The following RGS22 variants were observed in gnomAD, a reference collection of about 807,000 sequenced individuals.
RGS22 encodes the protein regulator of G protein signaling 22.
A neutral mutation model predicts 172.9 loss-of-function variants in RGS22; 148 were observed. The observed-to-expected ratio is 0.86, with a 90% confidence interval of 0.75 to 0.98. The LOEUF (loss-of-function observed/expected upper bound fraction) is 0.98. Ranked by LOEUF, RGS22 falls within the 50% of genes least tolerant of loss-of-function variation. RGS22 has a pLI of 0.00. For synonymous variants in RGS22, 458 were observed against 480.2 expected, an observed-to-expected ratio of 0.95 and a Z score of 0.60; for missense variants, 1,347 against 1,440.8, an observed-to-expected ratio of 0.93 and a Z score of 1.05.
At chr8:99,994,162 T>C (rs1814084187) in intron 20 of RGS22, among the ~76,000 whole-genome samples, 1 of 152,208 alleles carries the variant, frequency 6.6e-6, no homozygotes, top group Non-Finnish European at 1.5e-5. Flanking sequence ...AATATCATAC[T>C]GAATGGGCAA....
rs1422087707 is a variant in RGS22 at position 100,006,087 on chromosome 8, C to A, written c.2384G>T (p.Arg795Leu). Residue 795 changes from arginine (R) to leucine (L), a missense_variant, in exon 16 of 28, where the codon CGA becomes CTA. Physicochemically the swap from Arg to Leu is moderately radical, Grantham distance 102. Transcript: ENST00000360863. ...TCTGAAGTATGTGGAGTCTAACTGT[C>A]GAGTTTCTTCCACCAGCTCCACCTA... ...YKKVELVEETRQLDSTYFRKL... is the reference protein window; with the variant it reads ...YKKVELVEETLQLDSTYFRKL... 2 of 1,612,634 alleles carry A rather than the reference C, an allele frequency of 1.2e-6. No individual in the cohort carries two copies. Among genetic ancestry groups the A allele is most frequent in the Admixed American group, 3.3e-5 (2 of 59,942 alleles).
At chr8:100,083,994 C>T (rs939388238) in intron 3 of RGS22, among the ~76,000 whole-genome samples, 1 of 151,670 alleles carries the variant, frequency 6.6e-6, no homozygotes, top group African/African-American at 2.4e-5. Flanking sequence ...GGCGCCACGA[C>T]GCCCAACTAA....
At chr8:100,033,959 G>GT (rs1218338668) in intron 14 of RGS22, among the ~76,000 whole-genome samples, 1 of 152,068 alleles carries the variant, frequency 6.6e-6, no homozygotes, top group Admixed American at 6.6e-5. Context: ...TTGATGGAAT[G>GT]TATCTCAAAA....
intron 23 of RGS22, among the ~76,000 whole-genome samples, chr8:99,977,255 T>A (rs1812055852): frequency 6.7e-6 from 1 of 149,930 alleles, no homozygotes; most frequent in Non-Finnish European, 1.5e-5. Flanking sequence ...AGGCGCAAGC[T>A]GCCACGCCCG....
chr8:100,040,969 A>G (rs908963181), intron 12 of RGS22, among the ~76,000 whole-genome samples: 3 of 152,222 alleles, frequency 2.0e-5, no homozygotes, highest in Non-Finnish European at 2.9e-5. Flanking sequence ...AAAAAAAATC[A>G]TTATTTTAGT....
intron 18 of RGS22, 51 bp from the exon 19 acceptor site, chr8:99,999,471 A>G (rs1294242130): frequency 1.6e-5 from 26 of 1,576,096 alleles, no homozygotes; most frequent in Non-Finnish European, 2.3e-5. Flanking sequence ...TAAAAGAAAC[A>G]CTAATAGTCA....
chr8:100,105,452 TG>T, intron 1 of RGS22, 50 bp from the exon 2 acceptor site: 3 of 1,499,048 alleles, frequency 2.0e-6, no homozygotes, highest in African/African-American at 1.4e-5. Flanking sequence ...TGATTTCCTT[TG>T]AGTAAATGAA....
chr8:100,016,978 CTTTTTTTTTTT>C (rs71274949), intron 14 of RGS22, among the ~76,000 whole-genome samples: 57 of 36,118 alleles, frequency 1.6e-3, no homozygotes, highest in South Asian at 2.3e-3. Flanking sequence ...CCTTACCAGT[CTTTTTTTTTTT>C]TTTTTTTTTT....
At chr8:100,036,310 T>TCCA (rs1187611196) in intron 14 of RGS22, among the ~76,000 whole-genome samples, 51 of 152,286 alleles carry the variant, frequency 3.3e-4, no homozygotes, top group African/African-American at 1.2e-3. Flanking sequence ...CCATTTAAAT[T>TCCA]GGTTTCCAAC....
At chr8:100,091,270 T>C (rs946440397) in intron 3 of RGS22, among the ~76,000 whole-genome samples, 4 of 146,518 alleles carry the variant, frequency 2.7e-5, no homozygotes, top group African/African-American at 1.0e-4. Context: ...TGTGTGATCC[T>C]GAATGTAGAT....
chr8:100,100,819 A>T (rs1813413635), intron 2 of RGS22, among the ~76,000 whole-genome samples: 1 of 152,238 alleles, frequency 6.6e-6, no homozygotes, highest in Non-Finnish European at 1.5e-5. Flanking sequence ...ACTAAAATAC[A>T]AGTAAATACT....
At chr8:99,999,495 T>G in intron 18 of RGS22, 75 bp from the exon 19 acceptor site, 1 of 1,525,358 alleles carries the variant, frequency 6.6e-7, no homozygotes, top group South Asian at 1.2e-5. Flanking sequence ...ATTCATTCAT[T>G]CACTACAAAA....
Position 100,002,328 on chromosome 8 carries a change from G to C in RGS22, c.2664C>G (p.Phe888Leu), listed in dbSNP as rs1289686698. The change falls in exon 18 of 28, where the codon TTC (phenylalanine) becomes TTG (leucine). Residue 888 changes from phenylalanine to leucine, a missense_variant. By Grantham distance (22) the Phe-to-Leu change is conservative. Transcript: ENST00000360863. ...DLMCWTDIEQ[F>L]RRITYRDRNQ... is the part of the protein sequence containing the mutation. ...TTCGATCTCTGTAAGTTATTCTCCG[G>C]AACTGCTCAATGTCTGTCCAGCACA... 8 of 1,611,070 alleles carry C rather than the reference G, an allele frequency of 5.0e-6. No individual in the cohort carries two copies. Among genetic ancestry groups the C allele is most frequent in the Non-Finnish European group, 6.8e-6 (8 of 1,179,188 alleles).
chr8:99,962,518 G>A (rs1463626092), intron 26 of RGS22, 75 bp from the exon 27 acceptor site: 2 of 1,516,554 alleles, frequency 1.3e-6, no homozygotes, highest in Non-Finnish European at 1.8e-6. Context: ...GAGACAGAGA[G>A]AAGCAGGACT....
chr8:99,972,634 A>C (rs1209297461), intron 23 of RGS22, among the ~76,000 whole-genome samples: 1 of 152,254 alleles, frequency 6.6e-6, no homozygotes, highest in Non-Finnish European at 1.5e-5. Context: ...TTATGTGGCC[A>C]ACAAACATAT....
chr8:100,087,300 T>G (rs1244483188), intron 3 of RGS22, among the ~76,000 whole-genome samples: 1 of 152,164 alleles, frequency 6.6e-6, no homozygotes, highest in Non-Finnish European at 1.5e-5. Flanking sequence ...CCACAAGCTG[T>G]TACAGACTGC....
In RGS22 at chr8:100,004,004, T is replaced by G; in HGVS notation, c.2549A>C (p.His850Pro). The G allele has an allele frequency of 1.9e-6, 3 of 1,612,632 alleles. No homozygotes were observed. The highest frequency in any genetic ancestry group is 2.5e-6 in the Non-Finnish European group (3 of 1,179,178). Residue 850 changes from histidine (H) to proline (P), a missense_variant, in exon 17 of 28, where the codon CAT (histidine) becomes CCT (proline). Coordinates refer to ENST00000360863, the MANE Select transcript of RGS22 (RefSeq NM_015668.5). Reference sequence around the variant, plus strand: ...GTTAAGCAGATCACTAAACTTAAAATGCTTGTATTCTGCAGGAACATTATC... The same window carrying G: ...GTTAAGCAGATCACTAAACTTAAAAGGCTTGTATTCTGCAGGAACATTATC... ...YWDNVPAEYK[H>P]FKFSDLLNNK...
At chr8:100,092,955 G>T (rs1812692983) in intron 3 of RGS22, among the ~76,000 whole-genome samples, 1 of 152,108 alleles carries the variant, frequency 6.6e-6, no homozygotes, top group South Asian at 2.1e-4. Flanking sequence ...TTGCTTGAAA[G>T]CAAAAAATTA....
rs562944388 is a variant in RGS22, at chr8:100,083,936, G to A, written c.118-3581C>T. On this transcript the variant is annotated intron_variant, in intron 3 of 27. Coordinates refer to ENST00000360863, the MANE Select transcript of RGS22 (RefSeq NM_015668.5). ...GCGATCTTGGCTCACTGCAACCTCC[G>A]CCTCCCGAGTTCAAGGGATTCTCCT... Among the ~76,000 whole-genome samples, 112 of 148,926 alleles carry A rather than the reference G, an allele frequency of 7.5e-4. 1 individual carries two copies. Among genetic ancestry groups the A allele is most frequent in the Middle Eastern group, 3.5e-3 (1 of 282 alleles).
Sources: gnomAD v4.1 joint callset for allele counts (sites outside exome capture counted in the v4.1 genomes callset) on GRCh38, gnomAD v4.1.1 for gene constraint, MANE v1.5 for transcripts, NCBI Gene and HGNC (gene_info 2026-07-23, HGNC 2026-07-21) for gene names.